MED12L: variants seen among roughly 807,000 people sequenced by gnomAD.
MED12L encodes mediator of RNA polymerase II transcription subunit 12-like protein.
Under a neutral mutation model 281.3 loss-of-function variants are expected in MED12L, and 60 were observed. The observed-to-expected ratio is 0.21, with a 90% CI of 0.17 to 0.26. The LOEUF is 0.26. MED12L is among the 10% of genes least tolerant of loss of function. MED12L has a pLI of 1.00. For synonymous variants in MED12L, 974 were observed against 987.2 expected (o/e 0.99, Z 0.25); for missense variants, 2,146 against 2,680.9 (o/e 0.80, Z 4.41).
intron 16 of MED12L, among the ~76,000 whole-genome samples, chr3:151,334,196 C>CATTTTTTTTTTTTTTTTT (rs1750689705): frequency 8.5e-6 from 1 of 118,230 alleles, no homozygotes. Context: ...TTCTTTCTTT[C>CATTTTTTTTTTTTTTTTT]TTTTTTTTTT....
intron 11 of MED12L, among the ~76,000 whole-genome samples, chr3:151,169,142 G>A (rs1243141087): frequency 2.2e-5 from 3 of 139,088 alleles, no homozygotes; most frequent in Admixed American, 1.4e-4. Context: ...TTTTGAGACG[G>A]AGTCTCTGTC....
intron 32 of MED12L, 76 bp from the exon 33 acceptor site, chr3:151,382,580 A>G (rs1182420459): frequency 2.2e-6 from 2 of 915,302 alleles, no homozygotes; most frequent in African/African-American, 1.7e-5. Context: ...GTTTTTTGCT[A>G]TCAGTATAAA....
At chr3:151,432,263 A>C (rs1410993460) in intron 44 of MED12L, among the ~76,000 whole-genome samples, 1 of 152,212 alleles carries the variant, frequency 6.6e-6, no homozygotes, top group African/African-American at 2.4e-5. Flanking sequence ...CACACGCTTG[A>C]GTCATCACAC....
chr3:151,404,952 C>T (rs1716118464), intron 39 of MED12L, among the ~76,000 whole-genome samples: 1 of 152,118 alleles, frequency 6.6e-6, no homozygotes, highest in Non-Finnish European at 1.5e-5. Context: ...GATTAAGACA[C>T]AGAAGAATGA....
chr3:151,239,860 A>C (rs1430443903), intron 16 of MED12L, among the ~76,000 whole-genome samples: 6 of 152,238 alleles, frequency 3.9e-5, no homozygotes, highest in Non-Finnish European at 2.9e-5. Flanking sequence ...AAAAAAGGAC[A>C]CCACATTTTA....
intron 16 of MED12L, among the ~76,000 whole-genome samples, chr3:151,227,694 G>A (rs1413867410): frequency 6.6e-6 from 1 of 152,206 alleles, no homozygotes. Context: ...CAAACTGGGG[G>A]CCAGGAAAAT....
intron 16 of MED12L, among the ~76,000 whole-genome samples, chr3:151,205,319 G>A (rs938595268): frequency 6.6e-6 from 1 of 152,104 alleles, no homozygotes; most frequent in East Asian, 1.9e-4. Context: ...CATTACTTAT[G>A]AATATTTCAT....
At chr3:151,215,335 A>G (rs1284829982) in intron 16 of MED12L, among the ~76,000 whole-genome samples, 1 of 152,216 alleles carries the variant, frequency 6.6e-6, no homozygotes, top group South Asian at 2.1e-4. Context: ...TATAAAATGC[A>G]CACTAGACTT....
chr3:151,392,495 AATAAATAAAT>A (rs1341986619), intron 38 of MED12L, among the ~76,000 whole-genome samples: 2 of 129,622 alleles, frequency 1.5e-5, no homozygotes, highest in African/African-American at 6.6e-5. Context: ...AAAAAGTAAA[AATAAATAAAT>A]AAATAAATTT....
intron 33 of MED12L, 141 bp from the exon 34 acceptor site, chr3:151,383,638 G>T: frequency 1.7e-6 from 1 of 583,618 alleles, no homozygotes. Context: ...GTAGGTAAAA[G>T]AGAAAAGATA....
intron 27 of MED12L, 33 bp downstream of exon 27, chr3:151,372,799 T>G (rs1272391857): frequency 1.3e-6 from 2 of 1,555,990 alleles, no homozygotes; most frequent in East Asian, 4.5e-5. Context: ...TTACTTTGAG[T>G]ACGTAACTCT....
intron 16 of MED12L, among the ~76,000 whole-genome samples, chr3:151,257,868 C>T (rs937907871): frequency 6.6e-6 from 1 of 152,128 alleles, no homozygotes; most frequent in African/African-American, 2.4e-5. Flanking sequence ...TTCCAAGTTC[C>T]TCCTTCTCTC....
chr3:151,141,808 A>C (rs971419791), intron 5 of MED12L, among the ~76,000 whole-genome samples: 2 of 152,136 alleles, frequency 1.3e-5, no homozygotes. Flanking sequence ...TACTACTGTC[A>C]TTTCTTCTGG....
chr3:151,359,983 G>A (rs971673414), intron 20 of MED12L, among the ~76,000 whole-genome samples: 31 of 152,170 alleles, frequency 2.0e-4, no homozygotes, highest in Non-Finnish European at 4.1e-4. Context: ...ATAGGGGAAT[G>A]TATACATGCA....
At chr3:151,087,235 C>G (rs751271452) in intron 2 of MED12L, among the ~76,000 whole-genome samples, 5 of 152,238 alleles carry the variant, frequency 3.3e-5, no homozygotes, top group Non-Finnish European at 7.3e-5. Context: ...GGGGCGCTCG[C>G]TTTCCATGTG....
chr3:151,420,483 A>G (rs537416448), intron 43 of MED12L, among the ~76,000 whole-genome samples: 2 of 152,266 alleles, frequency 1.3e-5, no homozygotes, highest in South Asian at 4.1e-4. Context: ...ACTAGGAGTG[A>G]TGGTGAGTGG....
chr3:151,199,154 G>A, intron 16 of MED12L: 4 of 1,614,138 alleles, frequency 2.5e-6, no homozygotes, highest in Non-Finnish European at 3.4e-6. Flanking sequence ...CTTCCAAGGT[G>A]CCACACCCAA....
chr3:151,116,189 C>A, intron 2 of MED12L, 149 bp from the exon 3 acceptor site: 2 of 520,986 alleles, frequency 3.8e-6, no homozygotes, highest in Non-Finnish European at 7.0e-6. Context: ...GGTGTTTAAA[C>A]TTCAATTTCT....
Position 151,193,701 on chromosome 3 carries a change from T to A in MED12L, c.2250+35T>A, listed in dbSNP as rs184223732. 3,917 of 1,510,920 alleles carry A rather than the reference T, an allele frequency of 2.6e-3. 96 individuals carry two copies. In the South Asian group the frequency reaches 0.04, roughly 15 times the overall value. The allele number at this position is 1,510,920 out of a possible 1,614,324, so 93.6% of individuals were successfully genotyped here. A position where few individuals can be genotyped will look rare whatever the true frequency, so the allele number is the denominator to read the frequency against. On this transcript the variant is annotated intron_variant, in intron 16 of 44. Transcript: ENST00000687756. ...TGCTTCAGTTAATCTATACCCTGATTATTTTATTATAAGATCAATAACTGT... is the reference window on the plus strand; with the variant it reads ...TGCTTCAGTTAATCTATACCCTGATAATTTTATTATAAGATCAATAACTGT...
Sources: allele counts gnomAD v4.1 joint callset (sites outside exome capture counted in the v4.1 genomes callset), GRCh38; gene constraint gnomAD v4.1.1; transcripts MANE v1.5; gene names NCBI Gene and HGNC (gene_info 2026-07-23, HGNC 2026-07-21).